The following DNMT3A variants were observed in gnomAD, a reference collection of about 807,000 sequenced individuals.
DNMT3A encodes the protein DNA methyltransferase 3 alpha, also known as DNA (cytosine-5)-methyltransferase 3A.
A neutral mutation model predicts 117.6 loss-of-function variants in DNMT3A; 267 were observed. That is an observed-to-expected ratio of 2.27 (90% CI 2.05 to 2.51). DNMT3A has a LOEUF of 2.51. Ranked by LOEUF, DNMT3A falls within the 30% of genes most tolerant of loss-of-function variation. The pLI, the probability that DNMT3A is intolerant of heterozygous loss-of-function variation, is 0.00. For missense variants in DNMT3A, 1,029 were observed against 1,260.2 expected, an observed-to-expected ratio of 0.82 and a Z score of 2.78; for synonymous variants, 432 against 474.8, an observed-to-expected ratio of 0.91 and a Z score of 1.17.
Position 25,275,517 on chromosome 2 carries a change from C to T in DNMT3A, c.475G>A (p.Glu159Lys), listed in dbSNP as rs1274769751. Residue 159 changes from glutamate (E) to lysine (K), a missense_variant, in exon 5 of 23, where the codon GAA becomes AAA. By Grantham distance (56) the Glu-to-Lys change is moderately conservative. Transcript: ENST00000321117. ...AGKEQKETNI[E>K]SMKMEGSRGR... ...ACACTTGCCTCCATTTTCATGGATT[C>T]GATGTTGGTCTCCTTCTGTTCTTTG... 6 of 1,583,722 alleles carry T rather than the reference C, an allele frequency of 3.8e-6. No homozygotes were observed. Among genetic ancestry groups the T allele is most frequent in the Non-Finnish European group, 5.1e-6 (6 of 1,170,364 alleles).
chr2:25,238,941 C>T (rs1244248889), intron 20 of DNMT3A, among the ~76,000 whole-genome samples, 189 bp downstream of exon 20: 1 of 152,238 alleles, frequency 6.6e-6, no homozygotes, highest in East Asian at 1.9e-4. Flanking sequence ...TTGTTGGTTT[C>T]AGACGAGTAT....
At chr2:25,249,702 T>C in intron 6 of DNMT3A, 1 of 1,614,144 alleles carries the variant, frequency 6.2e-7, no homozygotes. Flanking sequence ...GCCCATTCCT[T>C]CTCACAACCC....
At chr2:25,238,161 T>C (rs747812741) in intron 20 of DNMT3A, among the ~76,000 whole-genome samples, 6 of 152,098 alleles carry the variant, frequency 3.9e-5, no homozygotes, top group Admixed American at 6.6e-5. Flanking sequence ...ATGAAAATAC[T>C]GGACCTCATT....
intron 6 of DNMT3A, among the ~76,000 whole-genome samples, chr2:25,253,320 T>C (rs754606132): frequency 2.0e-5 from 3 of 152,104 alleles, no homozygotes; most frequent in Non-Finnish European, 4.4e-5. Context: ...AAGATTCCAC[T>C]AGACTTGGAG....
At position 25,247,524 on chromosome 2, in the gene DNMT3A, A is replaced by G; in HGVS notation, c.1014+67T>C. ...CCCCAATTCCAGACTGCCCCCAGCC[A>G]AAACCACAGGCCCTGGGATCAAGAA... On this transcript the variant is annotated intron_variant, in intron 8 of 22. Coordinates refer to ENST00000321117, the MANE Select transcript of DNMT3A (RefSeq NM_022552.5). The surrounding 1 kb of genome is among the most constrained non-coding windows in gnomAD (Gnocchi z 5.6). 6.3e-7 allele frequency: 1 copy of G among 1,579,678 alleles called. No homozygotes were observed. Among genetic ancestry groups the G allele is most frequent in the Non-Finnish European group, 8.6e-7 (1 of 1,160,790 alleles).
intron 2 of DNMT3A, among the ~76,000 whole-genome samples, chr2:25,308,784 C>T (rs1476751337): frequency 2.6e-5 from 4 of 152,222 alleles, no homozygotes; most frequent in Admixed American, 6.5e-5. Context: ...GGTGACAGAC[C>T]GCGGGCAGCA....
chr2:25,275,397 A>G, intron 5 of DNMT3A, 103 bp downstream of exon 5: 4 of 1,459,986 alleles, frequency 2.7e-6, no homozygotes, highest in Non-Finnish European at 3.7e-6. Flanking sequence ...GGATGTGTAA[A>G]GAAGGAGGAG....
At chr2:25,246,812 A>G (rs571908138) in intron 9 of DNMT3A, 36 bp from the exon 10 acceptor site, 1 of 1,606,758 alleles carries the variant, frequency 6.2e-7, no homozygotes, top group African/African-American at 1.3e-5. Flanking sequence ...GGTTGTCAGG[A>G]CAGGCTGGAA....
In DNMT3A at chr2:25,235,823, GA is replaced by G; in HGVS notation, c.2480del (p.Phe827SerfsTer4). The G allele has an allele frequency of 1.2e-6, 2 of 1,612,660 alleles. No individual in the cohort carries two copies. The highest frequency in any genetic ancestry group is 1.7e-6 in the Non-Finnish European group (2 of 1,178,774). ...ECLEHGRIAK[F>X]SKVRTITTRS... Reference sequence around the variant, plus strand: ...TCGTAGTAATGGTCCTCACTTTGCTGAACTAGATGAAGAGGAGAAAAGAGGA... The same window carrying G: ...TCGTAGTAATGGTCCTCACTTTGCTGACTAGATGAAGAGGAGAAAAGAGGA... On this transcript the variant is annotated frameshift_variant and splice_region_variant, in exon 22 of 23. Transcript: ENST00000321117. LOFTEE classifies it high-confidence loss of function.
Position 25,234,928 on chromosome 2 carries a change from T to C in DNMT3A, c.2598-508A>G, listed in dbSNP as rs141320818. ...AAGGATTTCCTGTTTGCTCTGGTTG[T>C]TTGTGTAAATGGTCTCTTTGTCTGG... On this transcript the variant is annotated intron_variant, in intron 22 of 22. Transcript: ENST00000321117. The surrounding 1 kb of genome is among the most constrained non-coding windows in gnomAD (Gnocchi z 4.5). Among the ~76,000 whole-genome samples, 89 of 152,256 alleles carry C rather than the reference T, an allele frequency of 5.8e-4. No individual in the cohort carries two copies. Among genetic ancestry groups the C allele is most frequent in the Non-Finnish European group, 1.1e-3 (73 of 68,030 alleles).
At chr2:25,260,223 C>T (rs1010114294) in intron 6 of DNMT3A, among the ~76,000 whole-genome samples, 2 of 152,196 alleles carry the variant, frequency 1.3e-5, no homozygotes, top group Admixed American at 1.3e-4. Flanking sequence ...CTCATCTGTG[C>T]CAGATTTGGT....
chr2:25,316,792 C>CA (rs887647161), intron 1 of DNMT3A, among the ~76,000 whole-genome samples: 5 of 152,158 alleles, frequency 3.3e-5, no homozygotes, highest in African/African-American at 1.2e-4. Flanking sequence ...CCACTGCCAC[C>CA]AAAAAACCCT....
rs1175950861 is a variant in DNMT3A at position 25,327,435 on chromosome 2, G to A, written c.-177-13274C>T. Among the ~76,000 whole-genome samples, 1 of 152,062 alleles carries A rather than the reference G, an allele frequency of 6.6e-6. No homozygotes were observed. The highest frequency in any genetic ancestry group is 1.5e-5 in the Non-Finnish European group (1 of 68,018). On this transcript the variant is annotated intron_variant, in intron 1 of 22. Transcript: ENST00000321117. This position sits in a 1 kb window ranked among gnomAD's most constrained non-coding sequence, Gnocchi z 4.1. The stretch of plus-strand genomic sequence containing the variant: ...ATTTCTTGAGTGCCATTGTGGAGCC[G>A]GGCCCTGGAGTGAAAGGAGACCCCT...
At chr2:25,271,377 C>G (rs1220949795) in intron 6 of DNMT3A, among the ~76,000 whole-genome samples, 1 of 152,136 alleles carries the variant, frequency 6.6e-6, no homozygotes, top group African/African-American at 2.4e-5. Flanking sequence ...AGAAAACAGG[C>G]CTGATAGCAA....
At position 25,327,320 on chromosome 2, in the gene DNMT3A, A is replaced by G. The variant is rs2149443405; in HGVS notation, c.-177-13159T>C. On this transcript the variant is annotated intron_variant, in intron 1 of 22. Coordinates refer to ENST00000321117, the MANE Select transcript of DNMT3A (RefSeq NM_022552.5). The surrounding 1 kb of genome is among the most constrained non-coding windows in gnomAD (Gnocchi z 4.1). ...CTGATACAGTCACCCGCGGCCCCAA[A>G]GGGCTTTTTTCCATCCTCATGGCCC... 6.6e-6 allele frequency among the ~76,000 whole-genome samples: 1 copy of G among 152,256 alleles called. No individual in the cohort carries two copies. The highest frequency in any genetic ancestry group is 1.9e-4 in the East Asian group (1 of 5,186).
Position 25,228,647 on chromosome 2 carries a change from CA to C in DNMT3A, c.*5631del, listed in dbSNP as rs1475832988. 1.3e-5 allele frequency: 2 copies of C among 152,058 alleles called. No homozygotes were observed. The highest frequency in any genetic ancestry group is 4.8e-5 in the African/African-American group (2 of 41,394). The allele number at this position is 152,058 out of a possible 1,614,324, so 9.4% of individuals were successfully genotyped here. On this transcript the variant is annotated 3_prime_UTR_variant, in exon 23 of 23. Transcript: ENST00000321117. ...TCTTTTAAACTCCACTACAAGAAAACAAAACAAACAGTCATTGTCCAGACAG... is the reference window on the plus strand; with the variant it reads ...TCTTTTAAACTCCACTACAAGAAAACAAACAAACAGTCATTGTCCAGACAG...
chr2:25,243,921 G>A lies in DNMT3A; in HGVS notation c.1913C>T (p.Ser638Phe), dbSNP rs1253868717. Residue 638 changes from serine (S) to phenylalanine (F), a missense_variant, in exon 16 of 23, where the codon TCT (serine) becomes TTT (phenylalanine). Ser to Phe is a radical substitution (Grantham distance 155). Transcript: ENST00000321117. ...ACCTGTAGCGATTCCATCAAAGAGA[G>A]ACAGCACCCGGATGGGCTTCCTCTT... is the stretch of plus-strand genomic sequence containing the variant. ...AEKRKPIRVL[S>F]LFDGIATGLL... The A allele has an allele frequency of 2.6e-6, 4 of 1,551,998 alleles. No homozygotes were observed. The highest frequency in any genetic ancestry group is 2.6e-6 in the Non-Finnish European group (3 of 1,147,112).
At position 25,313,845 on chromosome 2, in the gene DNMT3A, G is replaced by C; in HGVS notation, c.72+68C>G. ...ATGCACTCAGTATGAGGAGCCGGCTGTCATCACATAGGGACAGGGCTCTCC... is the reference window on the plus strand; with the variant it reads ...ATGCACTCAGTATGAGGAGCCGGCTCTCATCACATAGGGACAGGGCTCTCC... On this transcript the variant is annotated intron_variant, in intron 2 of 22. Coordinates refer to ENST00000321117, the MANE Select transcript of DNMT3A (RefSeq NM_022552.5). The C allele has an allele frequency of 2.6e-6, 4 of 1,547,564 alleles. No homozygotes were observed. In the South Asian group the frequency reaches 4.8e-5, roughly 18 times the overall value.
At chr2:25,336,553 A>C (rs1456884856) in intron 1 of DNMT3A, among the ~76,000 whole-genome samples, 1 of 152,004 alleles carries the variant, frequency 6.6e-6, no homozygotes, top group African/African-American at 2.4e-5. Flanking sequence ...CTGAGCTCTT[A>C]AGCTCTGGTC....
Sources: gnomAD v4.1 joint callset for allele counts (sites outside exome capture counted in the v4.1 genomes callset) on GRCh38, gnomAD v4.1.1 for gene constraint, Gnocchi (gnomAD v3.1) non-coding constraint, MANE v1.5 for transcripts, NCBI Gene and HGNC (gene_info 2026-07-23, HGNC 2026-07-21) for gene names.